The following NAALADL2 variants were observed in gnomAD, a reference collection of about 807,000 sequenced individuals.
The protein encoded by NAALADL2 is N-acetylated alpha-linked acidic dipeptidase like 2.
A neutral mutation model predicts 87.2 loss-of-function variants in NAALADL2; 76 were observed. That is an observed-to-expected ratio of 0.87 (90% CI 0.72 to 1.05). NAALADL2 has a LOEUF of 1.05. NAALADL2 is among the 50% of genes least tolerant of loss of function. The probability of loss-of-function intolerance (pLI) is 0.00; values close to 1 mark genes in which losing one functional copy is unlikely to be tolerated. For synonymous variants in NAALADL2, 354 were observed against 331.0 expected, an observed-to-expected ratio of 1.07 and a Z score of -0.75; for missense variants, 1,089 against 945.8, an observed-to-expected ratio of 1.15 and a Z score of -1.99.
chr3:175,038,733 G>A (rs1456857100), intron 1 of NAALADL2, among the ~76,000 whole-genome samples: 1 of 151,938 alleles, frequency 6.6e-6, no homozygotes, highest in African/African-American at 2.4e-5. Context: ...AGAATATCTG[G>A]GTTTAGCACG....
At chr3:175,694,563 T>C (rs1212367736) in intron 11 of NAALADL2, among the ~76,000 whole-genome samples, 1 of 152,148 alleles carries the variant, frequency 6.6e-6, no homozygotes, top group Non-Finnish European at 1.5e-5. Flanking sequence ...TCATATGCAA[T>C]GAATATCCAG....
intron 2 of NAALADL2, among the ~76,000 whole-genome samples, chr3:174,563,990 C>G (rs1481232093): frequency 6.6e-6 from 1 of 152,158 alleles, no homozygotes; most frequent in Non-Finnish European, 1.5e-5. Context: ...CTAGGGTGAT[C>G]TGTCTAAAGC....
chr3:174,777,581 T>A (rs1715366294), intron 3 of NAALADL2, among the ~76,000 whole-genome samples: 1 of 152,092 alleles, frequency 6.6e-6, no homozygotes, highest in Non-Finnish European at 1.5e-5. Context: ...ATGATGAAAG[T>A]CACTTTCTTA....
In NAALADL2 at chr3:174,893,825, C is replaced by A. The variant is rs114330421; in HGVS notation, c.43+34375C>A. On this transcript the variant is annotated intron_variant, in intron 1 of 13. Coordinates refer to ENST00000454872, the MANE Select transcript of NAALADL2 (RefSeq NM_207015.3). ...AGGAAAGAGAAGACCACAAAACAGC[C>A]AGAAAACAAATCACAAAATGGCAGG... is the stretch of plus-strand genomic sequence containing the variant. 3.0e-3 allele frequency among the ~76,000 whole-genome samples: 452 copies of A among 152,086 alleles called. 2 individuals carry two copies. The highest frequency in any genetic ancestry group is 0.011 in the African/African-American group (438 of 41,496).
At chr3:175,003,950 G>A (rs530510159) in intron 1 of NAALADL2, among the ~76,000 whole-genome samples, 1 of 152,258 alleles carries the variant, frequency 6.6e-6, no homozygotes, top group South Asian at 2.1e-4. Flanking sequence ...GATGACTGGA[G>A]GAAACATTTT....
chr3:174,881,442 TC>T (rs1477760841), intron 1 of NAALADL2, among the ~76,000 whole-genome samples: 3 of 152,164 alleles, frequency 2.0e-5, no homozygotes, highest in Non-Finnish European at 4.4e-5. Context: ...TCAAATTTAC[TC>T]ACGTTTCTGT....
At chr3:175,335,533 G>T (rs922226421) in intron 5 of NAALADL2, among the ~76,000 whole-genome samples, 8 of 152,090 alleles carry the variant, frequency 5.3e-5, no homozygotes, top group South Asian at 2.1e-4. Context: ...GTTTAGTGTT[G>T]AACCAAAACA....
At chr3:175,056,672 G>A (rs1219335490) in intron 1 of NAALADL2, among the ~76,000 whole-genome samples, 1 of 152,160 alleles carries the variant, frequency 6.6e-6, no homozygotes, top group Non-Finnish European at 1.5e-5. Context: ...TTAACAGCAA[G>A]CCAGTGATAA....
At chr3:174,906,702 A>G (rs1436040806) in intron 1 of NAALADL2, among the ~76,000 whole-genome samples, 1 of 152,100 alleles carries the variant, frequency 6.6e-6, no homozygotes, top group African/African-American at 2.4e-5. Context: ...CCCAACTGCA[A>G]CTTCATGAGA....
chr3:175,344,145 A>G (rs1361486095), intron 5 of NAALADL2, among the ~76,000 whole-genome samples: 1 of 152,094 alleles, frequency 6.6e-6, no homozygotes, highest in Non-Finnish European at 1.5e-5. Context: ...GTGAAGTAAG[A>G]GGTCAAAGTG....
chr3:175,612,929 A>G (rs1724837298), intron 10 of NAALADL2, among the ~76,000 whole-genome samples: 1 of 152,126 alleles, frequency 6.6e-6, no homozygotes, highest in South Asian at 2.1e-4. Flanking sequence ...TGTTACCATG[A>G]CGCTGGGTGT....
At chr3:175,527,784 T>A (rs551234431) in intron 9 of NAALADL2, among the ~76,000 whole-genome samples, 1 of 152,310 alleles carries the variant, frequency 6.6e-6, no homozygotes, top group African/African-American at 2.4e-5. Context: ...ATTTTATAAG[T>A]CATTATATGC....
intron 2 of NAALADL2, among the ~76,000 whole-genome samples, chr3:175,184,736 G>T (rs2109014670): frequency 6.6e-6 from 1 of 152,178 alleles, no homozygotes; most frequent in East Asian, 1.9e-4. Context: ...TACTAATTTA[G>T]TTTGAATACT....
At chr3:175,052,353 T>A (rs1755516792) in intron 1 of NAALADL2, among the ~76,000 whole-genome samples, 1 of 152,214 alleles carries the variant, frequency 6.6e-6, no homozygotes, top group Non-Finnish European at 1.5e-5. Flanking sequence ...ATGGCAAGTT[T>A]TGGGGCCAGT....
chr3:175,659,275 C>A (rs781289647), intron 11 of NAALADL2, among the ~76,000 whole-genome samples: 3 of 152,074 alleles, frequency 2.0e-5, no homozygotes, highest in Non-Finnish European at 4.4e-5. Context: ...ATACAAAGGG[C>A]AAAATGGGAA....
chr3:174,851,362 TAA>T lies in NAALADL2; in HGVS notation c.-9+113635_-9+113636del, dbSNP rs34003047. Among the ~76,000 whole-genome samples, 503 of 107,808 alleles carry T rather than the reference TAA, an allele frequency of 4.7e-3. 1 individual carries two copies. Among genetic ancestry groups the T allele is most frequent in the Middle Eastern group, 0.011 (2 of 190 alleles). The allele number at this position is 107,808 out of a possible 152,430, so 70.7% of individuals were successfully genotyped here. On this transcript the variant is annotated intron_variant, in intron 3 of 3. Coordinates refer to the NAALADL2 transcript ENST00000434257. The stretch of plus-strand genomic sequence containing the variant: ...AAAAGTGAAAAAATTTCAGCCAGAC[TAA>T]AAAAAAAAAAAAAAAAAATCAGAGA...
chr3:174,872,817 A>G (rs1728006867), intron 1 of NAALADL2, among the ~76,000 whole-genome samples: 2 of 152,088 alleles, frequency 1.3e-5, no homozygotes, highest in South Asian at 4.1e-4. Flanking sequence ...AATTTTCAGT[A>G]CCTAATTAAA....
chr3:174,690,519 G>A (rs1411426977), intron 2 of NAALADL2, among the ~76,000 whole-genome samples: 1 of 152,226 alleles, frequency 6.6e-6, no homozygotes, highest in South Asian at 2.1e-4. Flanking sequence ...TGTGCTTAGG[G>A]AACAGAAACT....
intron 1 of NAALADL2, among the ~76,000 whole-genome samples, chr3:174,963,671 T>G (rs539694404): frequency 1.3e-5 from 2 of 152,296 alleles, no homozygotes; most frequent in East Asian, 3.9e-4. Context: ...AAGTATTATT[T>G]ATTTTGATAT....
Sources: allele counts gnomAD v4.1 joint callset (sites outside exome capture counted in the v4.1 genomes callset), GRCh38; gene constraint gnomAD v4.1.1; transcripts MANE v1.5; gene names NCBI Gene and HGNC (gene_info 2026-07-23, HGNC 2026-07-21).